Variants in LOC128462377 observed in about 807,000 individuals in gnomAD.
the LOC128462377 span, among the ~76,000 whole-genome samples, chr16:89,327,967 A>C: frequency 6.6e-6 from 1 of 152,258 alleles, no homozygotes; most frequent in Non-Finnish European, 1.5e-5. Context: ...ACAGGGAAAA[A>C]TATCTGCAAA....
At chr16:89,416,023 G>A in the LOC128462377 span, among the ~76,000 whole-genome samples, 5 of 151,734 alleles carry the variant, frequency 3.3e-5, no homozygotes, top group African/African-American at 4.8e-5. Flanking sequence ...GGCCTTCCTC[G>A]TATTCAATCT....
At chr16:89,382,474 T>C in the LOC128462377 span, among the ~76,000 whole-genome samples, 3 of 149,478 alleles carry the variant, frequency 2.0e-5, no homozygotes, top group African/African-American at 7.4e-5. Context: ...CACAGGTGCG[T>C]GCCACCAAGC....
chr16:89,396,043 G>A, the LOC128462377 span: 1 of 152,132 alleles, frequency 6.6e-6, no homozygotes, highest in Non-Finnish European at 1.5e-5. Flanking sequence ...GTTCGGACAT[G>A]AGTACTGGCA....
At chr16:89,342,379 G>T in the LOC128462377 span, among the ~76,000 whole-genome samples, 2 of 152,248 alleles carry the variant, frequency 1.3e-5, no homozygotes, top group African/African-American at 4.8e-5. Flanking sequence ...ACTCCCCAGA[G>T]ATGTTGAGGC....
chr16:89,363,985 G>A, the LOC128462377 span, among the ~76,000 whole-genome samples: 7 of 152,098 alleles, frequency 4.6e-5, no homozygotes, highest in African/African-American at 9.7e-5. Context: ...GCTTGAGCCC[G>A]GGAGTTGGAG....
chr16:89,345,355 G>T, the LOC128462377 span, among the ~76,000 whole-genome samples: 1 of 148,392 alleles, frequency 6.7e-6, no homozygotes, highest in Non-Finnish European at 1.5e-5. Flanking sequence ...CCGGCACCTG[G>T]TGCCCCATCT....
chr16:89,349,617 C>A, the LOC128462377 span, among the ~76,000 whole-genome samples: 18 of 152,018 alleles, frequency 1.2e-4, no homozygotes, highest in African/African-American at 4.4e-4. Flanking sequence ...AAAACAAAAA[C>A]CTCTAACCTT....
At chr16:89,328,914 G>C in the LOC128462377 span, 10 of 122,026 alleles carry the variant, frequency 8.2e-5, no homozygotes, top group African/African-American at 3.4e-4. Flanking sequence ...CGAAATCAGT[G>C]GAGGCCCCTG....
At chr16:89,365,636 A>G in the LOC128462377 span, among the ~76,000 whole-genome samples, 1 of 152,328 alleles carries the variant, frequency 6.6e-6, no homozygotes, top group African/African-American at 2.4e-5. Context: ...GAAGAGCAGT[A>G]AGCCAAGTAG....
chr16:89,326,161 G>A, the LOC128462377 span, among the ~76,000 whole-genome samples: 3 of 152,232 alleles, frequency 2.0e-5, no homozygotes, highest in Non-Finnish European at 4.4e-5. Flanking sequence ...AGGTACAATT[G>A]CACAGCTAAA....
the LOC128462377 span, among the ~76,000 whole-genome samples, chr16:89,364,015 GTGCCA>G: frequency 0.021 from 3,191 of 152,206 alleles, 126 homozygotes; most frequent in African/African-American, 0.073. Context: ...AGCTATCATT[GTGCCA>G]TGCCACTGCA....
At chr16:89,415,850 A>AAAAC in the LOC128462377 span, among the ~76,000 whole-genome samples, 1 of 147,384 alleles carries the variant, frequency 6.8e-6, no homozygotes, top group Admixed American at 6.8e-5. Flanking sequence ...AAAAAAAAAA[A>AAAAC]CAATGGAGAA....
chr16:89,367,532 A>C, the LOC128462377 span, among the ~76,000 whole-genome samples: 2 of 152,184 alleles, frequency 1.3e-5, no homozygotes, highest in African/African-American at 4.8e-5. Flanking sequence ...AGGCCACGGC[A>C]CACACCAGTC....
At chr16:89,365,778 A>G in the LOC128462377 span, among the ~76,000 whole-genome samples, 116 of 152,200 alleles carry the variant, frequency 7.6e-4, 2 homozygotes, top group South Asian at 0.024. Context: ...TTGTGTCATC[A>G]GGGTTTGTTG....
At chr16:89,408,404 A>C in the LOC128462377 span, among the ~76,000 whole-genome samples, 112 of 152,370 alleles carry the variant, frequency 7.4e-4, no homozygotes, top group African/African-American at 2.5e-3. Flanking sequence ...TTGCCTGGGC[A>C]GAGGAGGAAG....
At chr16:89,391,272 C>T in the LOC128462377 span, among the ~76,000 whole-genome samples, 9 of 151,186 alleles carry the variant, frequency 6.0e-5, no homozygotes, top group Admixed American at 2.6e-4. Context: ...GGAGGGGTCA[C>T]GGAACCCCAG....
At chr16:89,379,508 G>C in the LOC128462377 span, among the ~76,000 whole-genome samples, 1 of 152,264 alleles carries the variant, frequency 6.6e-6, no homozygotes, top group Non-Finnish European at 1.5e-5. Context: ...TTTTTAAAGA[G>C]ACAAAGTCTT....
At chr16:89,388,732 C>T in the LOC128462377 span, among the ~76,000 whole-genome samples, 785 of 152,220 alleles carry the variant, frequency 5.2e-3, 7 homozygotes, top group East Asian at 0.016. Flanking sequence ...CGGCAGGTCC[C>T]GGGCTCACAC....
the LOC128462377 span, among the ~76,000 whole-genome samples, chr16:89,328,614 CTGAG>C: frequency 6.8e-6 from 1 of 146,772 alleles, no homozygotes; most frequent in East Asian, 2.0e-4. Flanking sequence ...GAGGCCCCTG[CTGAG>C]TGAGTGGACA....
Sources: allele counts gnomAD v4.1 joint callset (sites outside exome capture counted in the v4.1 genomes callset), GRCh38; gene constraint gnomAD v4.1.1; transcripts MANE v1.5.